Variants in BRINP2 observed in about 807,000 individuals in gnomAD.
BRINP2 encodes the protein BMP/retinoic acid inducible neural specific 2.
Under a neutral mutation model 69.2 loss-of-function variants are expected in BRINP2, and 21 were observed. The ratio of observed to expected loss-of-function variants is 0.30; its 90% CI spans 0.22 to 0.44. The LOEUF (loss-of-function observed/expected upper bound fraction) is 0.44, where lower values mean the gene tolerates loss of function less well. Ranked by LOEUF, BRINP2 falls within the 20% of genes least tolerant of loss-of-function variation. BRINP2 has a pLI of 1.00. For missense variants in BRINP2, 877 were observed against 986.0 expected, an observed-to-expected ratio of 0.89 and a Z score of 1.48; for synonymous variants, 380 against 394.1, an observed-to-expected ratio of 0.96 and a Z score of 0.42.
intron 4 of BRINP2, among the ~76,000 whole-genome samples, chr1:177,268,659 A>C (rs559697605): frequency 6.6e-6 from 1 of 152,158 alleles, no homozygotes; most frequent in African/African-American, 2.4e-5. Context: ...GTCACTTTAC[A>C]TTGAGGATGT....
rs139623208 is a variant in BRINP2, at chr1:177,278,746, G to T, written c.1196G>T (p.Arg399Leu). The T allele has an allele frequency of 1.2e-6, 2 of 1,614,122 alleles. No individual in the cohort carries two copies. The highest frequency in any genetic ancestry group is 1.3e-5 in the African/African-American group (1 of 75,036). ...CGCCGGCTCTTCAACCTCTGCAAGC[G>T]CTGCCATCGCCAGCCTCGCTTCCGC... ...ILRRLFNLCK[R>L]CHRQPRFRLP... The change falls in exon 7 of 8, where the codon CGC (arginine) becomes CTC (leucine). Residue 399 changes from arginine to leucine, a missense_variant. By Grantham distance (102) the Arg-to-Leu change is moderately radical. This residue lies in a region of BRINP2 where 566 missense variants were observed against 625.2 expected (regional missense o/e 0.91). Transcript: ENST00000361539.
At chr1:177,236,603 G>A (rs1328136909) in intron 2 of BRINP2, among the ~76,000 whole-genome samples, 3 of 152,190 alleles carry the variant, frequency 2.0e-5, no homozygotes, top group African/African-American at 7.2e-5. Flanking sequence ...AGATAAGTAA[G>A]CAAGTGCTAC....
intron 4 of BRINP2, among the ~76,000 whole-genome samples, chr1:177,270,244 C>T (rs1017363403): frequency 1.3e-5 from 2 of 152,144 alleles, no homozygotes; most frequent in African/African-American, 4.8e-5. Context: ...CACTATGACT[C>T]TGGAAACTAG....
At chr1:177,213,835 G>T (rs1261702636) in intron 1 of BRINP2, among the ~76,000 whole-genome samples, 1 of 152,122 alleles carries the variant, frequency 6.6e-6, no homozygotes, top group Non-Finnish European at 1.5e-5. Context: ...TTATGTCCTA[G>T]CTAAATGGAA....
chr1:177,261,449 A>C (rs1320588368), intron 4 of BRINP2, among the ~76,000 whole-genome samples: 1 of 152,230 alleles, frequency 6.6e-6, no homozygotes, highest in East Asian at 1.9e-4. Flanking sequence ...ATTTACTGCA[A>C]GATTTATGGC....
At chr1:177,259,121 A>G (rs1338160288) in intron 4 of BRINP2, among the ~76,000 whole-genome samples, 2 of 152,214 alleles carry the variant, frequency 1.3e-5, no homozygotes. Context: ...AAAGTCCTTG[A>G]AAGACATTAA....
At chr1:177,187,433 T>G (rs766618461) in intron 1 of BRINP2, among the ~76,000 whole-genome samples, 6 of 152,196 alleles carry the variant, frequency 3.9e-5, no homozygotes, top group Non-Finnish European at 7.3e-5. Flanking sequence ...CAAGTTTTTT[T>G]CTTCCCAAAC....
At chr1:177,196,495 G>A (rs1166475520) in intron 1 of BRINP2, among the ~76,000 whole-genome samples, 2 of 152,118 alleles carry the variant, frequency 1.3e-5, no homozygotes, top group African/African-American at 2.4e-5. Context: ...GTGCATGCCT[G>A]TAATCCCAGC....
At position 177,250,098 on chromosome 1, in the gene BRINP2, CA is replaced by C. The variant is rs200975925; in HGVS notation, c.270-5820del. Reference sequence around the variant, plus strand: ...GCCTTATGCCTCATAATTTTTGAGACAGGGGTCTTGCTATGTTGCCTGGGCT... The same window carrying C: ...GCCTTATGCCTCATAATTTTTGAGACGGGGTCTTGCTATGTTGCCTGGGCT... On this transcript the variant is annotated intron_variant, in intron 2 of 7. Coordinates refer to ENST00000361539, the MANE Select transcript of BRINP2 (RefSeq NM_021165.4). Among the ~76,000 whole-genome samples, 1,065 of 151,858 alleles carry C rather than the reference CA, an allele frequency of 7.0e-3. 9 individuals carry two copies. The highest frequency in any genetic ancestry group is 9.1e-3 in the Non-Finnish European group (619 of 67,926).
chr1:177,248,084 A>T (rs1394213714), intron 2 of BRINP2, among the ~76,000 whole-genome samples: 2 of 152,142 alleles, frequency 1.3e-5, no homozygotes, highest in African/African-American at 2.4e-5. Context: ...AAGATGAAAG[A>T]TCTATTAAAA....
intron 1 of BRINP2, among the ~76,000 whole-genome samples, chr1:177,222,492 A>T (rs1028085155): frequency 2.0e-5 from 3 of 151,988 alleles, no homozygotes; most frequent in Admixed American, 1.3e-4. Flanking sequence ...TTATATTTTT[A>T]GAAGAGACAG....
intron 2 of BRINP2, among the ~76,000 whole-genome samples, chr1:177,252,776 A>G (rs148343511): frequency 7.9e-5 from 12 of 152,164 alleles, no homozygotes; most frequent in African/African-American, 2.9e-4. Context: ...CTCTAATTCC[A>G]TGAGATCAAC....
chr1:177,274,604 T>C (rs1571948483), intron 5 of BRINP2, among the ~76,000 whole-genome samples: 1 of 152,212 alleles, frequency 6.6e-6, no homozygotes, highest in South Asian at 2.1e-4. Flanking sequence ...GTTCAAAATG[T>C]CTAGTTGTTC....
chr1:177,242,099 C>T (rs1246445083), intron 2 of BRINP2, among the ~76,000 whole-genome samples: 1 of 152,186 alleles, frequency 6.6e-6, no homozygotes, highest in Non-Finnish European at 1.5e-5. Flanking sequence ...AGCCACCTGG[C>T]TACTGTCACT....
At chr1:177,229,676 G>A (rs1226673116) in intron 1 of BRINP2, 125 bp from the exon 2 acceptor site, 6 of 630,110 alleles carry the variant, frequency 9.5e-6, no homozygotes, top group Admixed American at 4.0e-5. Flanking sequence ...GCTAAATGCC[G>A]AGAACGAAGT....
chr1:177,268,620 A>T (rs147374338), intron 4 of BRINP2, among the ~76,000 whole-genome samples: 14 of 152,236 alleles, frequency 9.2e-5, no homozygotes, highest in African/African-American at 2.6e-4. Context: ...GGTTTACCCA[A>T]ATTGGCACAC....
At chr1:177,220,142 G>A (rs913748438) in intron 1 of BRINP2, among the ~76,000 whole-genome samples, 2 of 152,230 alleles carry the variant, frequency 1.3e-5, no homozygotes, top group Non-Finnish European at 2.9e-5. Context: ...AAGAGAGGGT[G>A]CAGTCCAGAA....
chr1:177,254,378 G>GCACA lies in BRINP2; in HGVS notation c.270-1513_270-1510dup, dbSNP rs71565492. Among the ~76,000 whole-genome samples, 366 of 144,010 alleles carry GCACA rather than the reference G, an allele frequency of 2.5e-3. 1 individual carries two copies. Among genetic ancestry groups the GCACA allele is most frequent in the East Asian group, 6.0e-3 (28 of 4,700 alleles). 94.5% of individuals were successfully genotyped at this position (144,010 alleles called of 152,430 possible). A position where few individuals can be genotyped will look rare whatever the true frequency, so the allele number is the denominator to read the frequency against. ...TGCACCTAAACACATAAGCACACAT[G>GCACA]CACACACACACACACACACACACAC... On this transcript the variant is annotated intron_variant, in intron 2 of 7. Transcript: ENST00000361539.
intron 7 of BRINP2, among the ~76,000 whole-genome samples, chr1:177,279,717 G>A (rs1651630393): frequency 6.6e-6 from 1 of 152,240 alleles, no homozygotes; most frequent in Admixed American, 6.5e-5. Context: ...TTTCTGAGAA[G>A]CTGTTGGTCT....
Sources: gnomAD v4.1 joint callset for allele counts (sites outside exome capture counted in the v4.1 genomes callset) on GRCh38, gnomAD v4.1.1 for gene constraint, gnomAD v4.1.1 regional missense constraint, MANE v1.5 for transcripts, NCBI Gene and HGNC (gene_info 2026-07-23, HGNC 2026-07-21) for gene names.